The following PCDHGB6 variants were observed in gnomAD, a reference collection of about 807,000 sequenced individuals.
PCDHGB6 encodes protocadherin gamma-B6.
In PCDHGB6, 51 loss-of-function variants were observed where a neutral mutation model predicts 59.1. The observed-to-expected ratio is 0.86, with a 90% confidence interval of 0.69 to 1.09. The LOEUF (loss-of-function observed/expected upper bound fraction) is 1.09. Among genes scored for constraint, PCDHGB6 ranks in the 50% least tolerant of loss-of-function variants. PCDHGB6 has a pLI of 0.00. For missense variants in PCDHGB6, 1,148 were observed against 1,205.1 expected (o/e 0.95, Z 0.70); for synonymous variants, 466 against 495.1 (o/e 0.94, Z 0.78).
At chr5:141,502,864 G>GTTTTTTTT in intron 2 of PCDHGB6, among the ~76,000 whole-genome samples, 3 of 61,566 alleles carry the variant, frequency 4.9e-5, no homozygotes, top group African/African-American at 2.4e-4. Context: ...CTGACTCTCT[G>GTTTTTTTT]TCTTTTTTTT....
chr5:141,494,048 G>C (rs764072099), intron 1 of PCDHGB6, among the ~76,000 whole-genome samples: 3 of 152,148 alleles, frequency 2.0e-5, no homozygotes, highest in Non-Finnish European at 2.9e-5. Flanking sequence ...GGCCCTGCTT[G>C]GAGGCTGTGG....
rs1488446232 is a variant in PCDHGB6, at chr5:141,493,171, A to G, written c.2419-1636A>G. On this transcript the variant is annotated intron_variant, in intron 1 of 3. Coordinates refer to ENST00000520790, the MANE Select transcript of PCDHGB6 (RefSeq NM_018926.3). This position sits in a 1 kb window ranked among gnomAD's most constrained non-coding sequence, Gnocchi z 4.3. ...GGTGATTTTGATAGCTGATTGAGAG[A>G]AACTTACTATATAACTCCTTTGAGA... is the stretch of plus-strand genomic sequence containing the variant. 6.6e-6 allele frequency among the ~76,000 whole-genome samples: 1 copy of G among 152,214 alleles called. No homozygotes were observed. The highest frequency in any genetic ancestry group is 1.5e-5 in the Non-Finnish European group (1 of 68,034).
At chr5:141,418,599 A>G in intron 1 of PCDHGB6, 1 of 1,614,054 alleles carries the variant, frequency 6.2e-7, no homozygotes, top group South Asian at 1.1e-5. Flanking sequence ...CAGGACGTGT[A>G]CAGGGTTAGC....
chr5:141,420,789 C>G (rs1403213574), intron 1 of PCDHGB6, among the ~76,000 whole-genome samples: 2 of 152,198 alleles, frequency 1.3e-5, no homozygotes, highest in Non-Finnish European at 2.9e-5. Flanking sequence ...ATTTTGAAAA[C>G]TTTTTAAAAA....
chr5:141,452,533 A>G lies in PCDHGB6; in HGVS notation c.2418+41913A>G, dbSNP rs562306062. ...CACACTCCCTCAAAATCGTGAGTTC[A>G]TATTGATACCTCCAGTTCTGGTTCT... On this transcript the variant is annotated intron_variant, in intron 1 of 3. Transcript: ENST00000520790. Among the ~76,000 whole-genome samples the G allele has an allele frequency of 2.0e-5, 3 of 152,328 alleles. No individual in the cohort carries two copies. The East Asian group carries it at 5.8e-4, about 29-fold the overall frequency.
chr5:141,426,646 T>C (rs764903298), intron 1 of PCDHGB6: 1 of 416,448 alleles, frequency 2.4e-6, no homozygotes, highest in South Asian at 1.7e-5. Flanking sequence ...ATAAATGTGA[T>C]GATAGAAGAT....
intron 1 of PCDHGB6, among the ~76,000 whole-genome samples, chr5:141,484,454 G>A (rs932663778): frequency 6.6e-6 from 1 of 152,212 alleles, no homozygotes; most frequent in African/African-American, 2.4e-5. Context: ...AATTGGCTAC[G>A]TTAATGTGTA....
At chr5:141,426,334 C>T (rs551131722) in intron 1 of PCDHGB6, 1 of 186,734 alleles carries the variant, frequency 5.4e-6, no homozygotes, top group South Asian at 1.1e-4. Flanking sequence ...GTGGCAAGCA[C>T]TCTTCCCTTT....
At chr5:141,469,893 A>G (rs2099214569) in intron 1 of PCDHGB6, among the ~76,000 whole-genome samples, 1 of 152,200 alleles carries the variant, frequency 6.6e-6, no homozygotes, top group South Asian at 2.1e-4. Context: ...CACTTTGGGA[A>G]GCCGAGGCAG....
intron 2 of PCDHGB6, among the ~76,000 whole-genome samples, chr5:141,503,977 CCTT>C (rs1012021012): frequency 1.3e-5 from 2 of 152,250 alleles, no homozygotes; most frequent in Admixed American, 1.3e-4. Flanking sequence ...GGTGCCAAAC[CCTT>C]CTTCTTACCT....
At chr5:141,449,380 G>C (rs1011160817) in intron 1 of PCDHGB6, among the ~76,000 whole-genome samples, 3 of 151,950 alleles carry the variant, frequency 2.0e-5, no homozygotes, top group African/African-American at 7.3e-5. Flanking sequence ...GCTGAGGCAG[G>C]TGGATTACTT....
intron 1 of PCDHGB6, among the ~76,000 whole-genome samples, chr5:141,459,646 T>C (rs2098972004): frequency 6.6e-6 from 1 of 152,266 alleles, no homozygotes; most frequent in Non-Finnish European, 1.5e-5. Context: ...TTTTTCAAAA[T>C]GGTAATATCA....
At chr5:141,501,298 C>CAG (rs2099807427) in intron 2 of PCDHGB6, among the ~76,000 whole-genome samples, 1 of 148,330 alleles carries the variant, frequency 6.7e-6, no homozygotes, top group Non-Finnish European at 1.5e-5. Context: ...TATACACACA[C>CAG]ACACACACAC....
chr5:141,445,252 A>G (rs2098461096), intron 1 of PCDHGB6, among the ~76,000 whole-genome samples: 1 of 152,224 alleles, frequency 6.6e-6, no homozygotes, highest in Non-Finnish European at 1.5e-5. Context: ...ATATTGTGTG[A>G]GAATATAAGT....
chr5:141,490,419 G>T lies in PCDHGB6; in HGVS notation c.2419-4388G>T, dbSNP rs1424302713. ...TGAGCCTTGATATCTCTCCGGACCT[G>T]CCATTTCAGATTAAGCCTTCTGAGA... is the stretch of plus-strand genomic sequence containing the variant. On this transcript the variant is annotated intron_variant, in intron 1 of 3. Transcript: ENST00000520790. The surrounding 1 kb of genome is among the most constrained non-coding windows in gnomAD (Gnocchi z 5.4). The T allele has an allele frequency of 6.2e-7, 1 of 1,614,170 alleles. No homozygotes were observed. The highest frequency in any genetic ancestry group is 8.5e-7 in the Non-Finnish European group (1 of 1,180,020).
At chr5:141,444,599 A>G (rs373366708) in intron 1 of PCDHGB6, among the ~76,000 whole-genome samples, 2 of 152,108 alleles carry the variant, frequency 1.3e-5, no homozygotes, top group African/African-American at 2.4e-5. Flanking sequence ...CCTTATTTAA[A>G]ATTGATTTTT....
intron 1 of PCDHGB6, among the ~76,000 whole-genome samples, chr5:141,448,516 A>T (rs1210489939): frequency 3.9e-5 from 6 of 152,152 alleles, no homozygotes; most frequent in Non-Finnish European, 8.8e-5. Flanking sequence ...TTATAACTTT[A>T]TTAAGCATCC....
intron 1 of PCDHGB6, chr5:141,414,511 G>A: frequency 1.2e-6 from 2 of 1,613,972 alleles, no homozygotes; most frequent in African/African-American, 1.3e-5. Context: ...TATGCTACAA[G>A]TGGCAGATAT....
Position 141,491,522 on chromosome 5 carries a change from A to G in PCDHGB6, c.2419-3285A>G, listed in dbSNP as rs778246278. ...TCGGACGGCACGCTCAAGTACATGG[A>G]GGTGACGCTGCGGCCCACAGACTCG... is the stretch of plus-strand genomic sequence containing the variant. On this transcript the variant is annotated intron_variant, in intron 1 of 3. Coordinates refer to ENST00000520790, the MANE Select transcript of PCDHGB6 (RefSeq NM_018926.3). The surrounding 1 kb of genome is among the most constrained non-coding windows in gnomAD (Gnocchi z 6.9). 8.1e-6 allele frequency: 13 copies of G among 1,614,024 alleles called. No homozygotes were observed. Among genetic ancestry groups the G allele is most frequent in the Non-Finnish European group, 1.1e-5 (13 of 1,180,002 alleles).
Sources: allele counts gnomAD v4.1 joint callset (sites outside exome capture counted in the v4.1 genomes callset), GRCh38; gene constraint gnomAD v4.1.1; non-coding constraint Gnocchi (gnomAD v3.1); transcripts MANE v1.5; gene names NCBI Gene and HGNC (gene_info 2026-07-23, HGNC 2026-07-21).